The following WIPF2 variants were observed in gnomAD, a reference collection of about 807,000 sequenced individuals.
The protein encoded by WIPF2 is WAS/WASL interacting protein family member 2.
Under a neutral mutation model 38.8 loss-of-function variants are expected in WIPF2, and 23 were observed. That is an observed-to-expected ratio of 0.59 (90% CI 0.43 to 0.84). WIPF2 has a LOEUF of 0.84. Among genes scored for constraint, WIPF2 ranks in the 40% least tolerant of loss-of-function variants. WIPF2 has a pLI of 0.00. For missense variants in WIPF2, 574 were observed against 580.5 expected (o/e 0.99, Z 0.11); for synonymous variants, 210 against 223.2 (o/e 0.94, Z 0.53).
Position 40,245,275 on chromosome 17 carries a change from G to A in WIPF2, c.-69-11116G>A, listed in dbSNP as rs544675463. Among the ~76,000 whole-genome samples the A allele has an allele frequency of 5.4e-3, 822 of 151,840 alleles. 6 individuals are homozygous for A. The highest frequency in any genetic ancestry group is 0.018 in the African/African-American group (765 of 41,374). On this transcript the variant is annotated intron_variant, in intron 1 of 7. Transcript: ENST00000323571. ...GAATGTAAGCTCCAAGACAGTAGAC[G>A]CTTGTCTTGCTCATCTTCTAGAACA...
At chr17:40,245,952 C>T (rs556660630) in intron 1 of WIPF2, among the ~76,000 whole-genome samples, 2 of 152,222 alleles carry the variant, frequency 1.3e-5, no homozygotes, top group South Asian at 2.1e-4. Context: ...TTGAACAACA[C>T]GTATAGCCTT....
chr17:40,270,197 CTCTA>C (rs2032206418), intron 5 of WIPF2, among the ~76,000 whole-genome samples: 1 of 151,094 alleles, frequency 6.6e-6, no homozygotes, highest in Admixed American at 6.6e-5. Flanking sequence ...AACCCTGTCT[CTCTA>C]CTAAAAATAC....
intron 5 of WIPF2, chr17:40,273,571 G>A (rs2032303709): frequency 1.9e-6 from 1 of 536,180 alleles, no homozygotes; most frequent in South Asian, 2.5e-5. Flanking sequence ...AACAGATAGG[G>A]TTCTGACTGA....
intron 1 of WIPF2, among the ~76,000 whole-genome samples, chr17:40,249,639 G>T (rs1180872999): frequency 6.6e-6 from 1 of 151,652 alleles, no homozygotes; most frequent in African/African-American, 2.4e-5. Context: ...GTTTGGTAGA[G>T]ACAGGGTTAC....
chr17:40,253,991 C>T (rs1165615114), intron 1 of WIPF2, among the ~76,000 whole-genome samples: 1 of 151,410 alleles, frequency 6.6e-6, no homozygotes, highest in Non-Finnish European at 1.5e-5. Context: ...AGAACCAGGC[C>T]TTCCCAGTGG....
intron 1 of WIPF2, among the ~76,000 whole-genome samples, chr17:40,234,899 A>G (rs1423475830): frequency 1.3e-5 from 2 of 151,372 alleles, no homozygotes; most frequent in Non-Finnish European, 2.9e-5. Flanking sequence ...CCCTTCTTCC[A>G]TTGTGCAAAT....
chr17:40,250,731 C>T lies in WIPF2; in HGVS notation c.-69-5660C>T, dbSNP rs145022645. On this transcript the variant is annotated intron_variant, in intron 1 of 7. Coordinates refer to ENST00000323571, the MANE Select transcript of WIPF2 (RefSeq NM_133264.5). ...TACTTAAAATTCTGTAGAGAACCTT[C>T]TTGTTCTTTTCTAAATTTAATCTCA... Among the ~76,000 whole-genome samples the T allele has an allele frequency of 8.0e-4, 121 of 152,032 alleles. 1 individual carries two copies. In the East Asian group the frequency reaches 0.022, roughly 27 times the overall value.
chr17:40,219,368 T>TGGCGGCGGCGGCGGCGGC lies in WIPF2; in HGVS notation c.-180_-163dup, dbSNP rs60253561. On this transcript the variant is annotated 5_prime_UTR_variant, in exon 1 of 8. Transcript: ENST00000323571. The stretch of plus-strand genomic sequence containing the variant: ...ATTTCCGGGTTGGCAAAAGGGGCGG[T>TGGCGGCGGCGGCGGCGGC]GGCGGCGGCGGCGGCGGCGGCGGCG... The TGGCGGCGGCGGCGGCGGC allele has an allele frequency of 1.1e-3, 413 of 379,758 alleles. 2 individuals are homozygous for TGGCGGCGGCGGCGGCGGC. Among genetic ancestry groups the TGGCGGCGGCGGCGGCGGC allele is most frequent in the African/African-American group, 1.7e-3 (71 of 42,838 alleles). 23.5% of individuals were successfully genotyped at this position (379,758 alleles called of 1,614,324 possible). A position where few individuals can be genotyped will look rare whatever the true frequency, so the allele number is the denominator to read the frequency against.
chr17:40,226,209 T>A (rs759075129), intron 1 of WIPF2, among the ~76,000 whole-genome samples: 158 of 97,224 alleles, frequency 1.6e-3, no homozygotes, highest in African/African-American at 3.5e-3. Flanking sequence ...AAAAAAAAAA[T>A]TTTTTTTTTT....
intron 5 of WIPF2, among the ~76,000 whole-genome samples, chr17:40,273,295 A>G (rs2032298249): frequency 6.6e-6 from 1 of 152,208 alleles, no homozygotes; most frequent in African/African-American, 2.4e-5. Context: ...TCGGCCTCCC[A>G]AAGTGCTAGG....
rs1452448825 is a variant in WIPF2, at chr17:40,219,320, C to G, written c.-242C>G. On this transcript the variant is annotated 5_prime_UTR_variant, in exon 1 of 8. Coordinates refer to ENST00000323571, the MANE Select transcript of WIPF2 (RefSeq NM_133264.5). ...CCCGCCTCCATTTTGTTCGCGGACGCTGGGGACGGTGGGAGCAGATCCATT... is the reference window on the plus strand; with the variant it reads ...CCCGCCTCCATTTTGTTCGCGGACGGTGGGGACGGTGGGAGCAGATCCATT... The G allele has an allele frequency of 3.2e-6, 1 of 308,628 alleles. No individual in the cohort carries two copies. Among genetic ancestry groups the G allele is most frequent in the East Asian group, 6.5e-5 (1 of 15,396 alleles). 19.1% of individuals were successfully genotyped at this position (308,628 alleles called of 1,614,324 possible). A position where few individuals can be genotyped will look rare whatever the true frequency, so the allele number is the denominator to read the frequency against.
At chr17:40,237,287 C>T (rs1010044381) in intron 1 of WIPF2, among the ~76,000 whole-genome samples, 3 of 142,490 alleles carry the variant, frequency 2.1e-5, no homozygotes, top group Non-Finnish European at 4.5e-5. Flanking sequence ...GTCATCCTGG[C>T]TGGCATGCAG....
rs961510060 is a variant in WIPF2 at position 40,282,842 on chromosome 17, A to C, written c.*4617A>C. The C allele has an allele frequency of 2.0e-5, 3 of 152,164 alleles. No individual in the cohort carries two copies. Among genetic ancestry groups the C allele is most frequent in the Admixed American group, 2.0e-4 (3 of 15,264 alleles). The allele number at this position is 152,164 out of a possible 1,614,324, so 9.4% of individuals were successfully genotyped here. ...TCTACTGAATTGGGCAGACTCATCT[A>C]TAGCTTTCTGAGGGTCTTCTCTCCT... is the stretch of plus-strand genomic sequence containing the variant. On this transcript the variant is annotated 3_prime_UTR_variant, in exon 8 of 8. Transcript: ENST00000323571.
At chr17:40,225,290 G>T (rs2030432124) in intron 1 of WIPF2, among the ~76,000 whole-genome samples, 1 of 149,892 alleles carries the variant, frequency 6.7e-6, no homozygotes. Context: ...GGAACTACAG[G>T]CTAAATTTAT....
In WIPF2 at chr17:40,219,380, C is replaced by CGGT; in HGVS notation, c.-180_-179insTGG. The CGGT allele has an allele frequency of 2.5e-6, 1 of 404,110 alleles. No homozygotes were observed. Among genetic ancestry groups the CGGT allele is most frequent in the Non-Finnish European group, 4.6e-6 (1 of 215,274 alleles). The allele number at this position is 404,110 out of a possible 1,614,324, so 25.0% of individuals were successfully genotyped here. On this transcript the variant is annotated 5_prime_UTR_variant, in exon 1 of 8. Transcript: ENST00000323571. ...GCAAAAGGGGCGGTGGCGGCGGCGGCGGCGGCGGCGGCGGCGGCGACGGCG... is the reference window on the plus strand; with the variant it reads ...GCAAAAGGGGCGGTGGCGGCGGCGGCGGTGGCGGCGGCGGCGGCGGCGACGGCG...
rs953053741 is a variant in WIPF2 at position 40,264,373 on chromosome 17, A to G, written c.314-117A>G. Reference sequence around the variant, plus strand: ...AAAAAAGAAAAACAAAAAACCCAGAATTATTCAATTCCTTTCCCTGCTGCC... The same window carrying G: ...AAAAAAGAAAAACAAAAAACCCAGAGTTATTCAATTCCTTTCCCTGCTGCC... On this transcript the variant is annotated intron_variant, in intron 4 of 7. Coordinates refer to ENST00000323571, the MANE Select transcript of WIPF2 (RefSeq NM_133264.5). 8.9e-6 allele frequency: 7 copies of G among 788,448 alleles called. 1 individual carries two copies. The highest frequency in any genetic ancestry group is 1.2e-5 in the Non-Finnish European group (6 of 488,758). The allele number at this position is 788,448 out of a possible 1,614,324, so 48.8% of individuals were successfully genotyped here.
Position 40,264,765 on chromosome 17 carries a change from A to G in WIPF2, c.589A>G (p.Ser197Gly), listed in dbSNP as rs199892821. Residue 197 changes from serine (S) to glycine (G), a missense_variant, in exon 5 of 8, where the codon AGC becomes GGC. Physicochemically the swap from Ser to Gly is moderately conservative, Grantham distance 56 (BLOSUM62 0). Coordinates refer to ENST00000323571, the MANE Select transcript of WIPF2 (RefSeq NM_133264.5). ...ACCCCCCACACCTCTGCCTATGCACAGCAGCAAAGCCCCCGCCTACAACAG... is the reference window on the plus strand; with the variant it reads ...ACCCCCCACACCTCTGCCTATGCACGGCAGCAAAGCCCCCGCCTACAACAG... ...NAPPTPLPMH[S>G]SKAPAYNREK... 2.5e-6 allele frequency: 4 copies of G among 1,583,864 alleles called. No individual in the cohort carries two copies. Among genetic ancestry groups the G allele is most frequent in the Admixed American group, 1.8e-5 (1 of 56,078 alleles).
At chr17:40,226,363 C>A (rs970589650) in intron 1 of WIPF2, among the ~76,000 whole-genome samples, 5 of 151,742 alleles carry the variant, frequency 3.3e-5, no homozygotes, top group Non-Finnish European at 7.4e-5. Context: ...ACCACCACAC[C>A]CGGCTAATTT....
intron 1 of WIPF2, among the ~76,000 whole-genome samples, chr17:40,248,399 C>T (rs1250200335): frequency 6.6e-6 from 1 of 151,956 alleles, no homozygotes; most frequent in Non-Finnish European, 1.5e-5. Flanking sequence ...AAACTCCTGA[C>T]TTCAAGAGAT....
Sources: gnomAD v4.1 joint callset for allele counts (sites outside exome capture counted in the v4.1 genomes callset) on GRCh38, gnomAD v4.1.1 for gene constraint, MANE v1.5 for transcripts, NCBI Gene and HGNC (gene_info 2026-07-23, HGNC 2026-07-21) for gene names.